The following KAZN variants were observed in gnomAD, a reference collection of about 807,000 sequenced individuals.
KAZN encodes the protein kazrin.
In KAZN, 40 loss-of-function variants were observed where a neutral mutation model predicts 87.4. The observed-to-expected ratio is 0.46, with a 90% CI of 0.36 to 0.60. The LOEUF is 0.60. Ranked by LOEUF, KAZN falls within the 20% of genes least tolerant of loss-of-function variation. The pLI is 0.00. For missense variants in KAZN, 898 were observed against 1,073.9 expected, an observed-to-expected ratio of 0.84 and a Z score of 2.29; for synonymous variants, 466 against 458.3, an observed-to-expected ratio of 1.02 and a Z score of -0.22.
rs1411250338 is a variant in KAZN, at chr1:14,952,274, G to GTGTGTA, written c.227-8407_227-8406insGTATGT. 4.7e-5 allele frequency among the ~76,000 whole-genome samples: 7 copies of GTGTGTA among 147,724 alleles called. No individual in the cohort carries two copies. The South Asian group carries it at 1.5e-3, about 31-fold the overall frequency. Reference sequence around the variant, plus strand: ...TGTGTGTGTGTGTGTGTGTGTGTGTGTGTCTCAAGCAAACACACTAGTGTT... The same window carrying GTGTGTA: ...TGTGTGTGTGTGTGTGTGTGTGTGTGTGTGTATGTCTCAAGCAAACACACTAGTGTT... On this transcript the variant is annotated intron_variant, in intron 1 of 14. Transcript: ENST00000376030.
At chr1:14,260,453 G>A (rs998211130) in intron 2 of KAZN, among the ~76,000 whole-genome samples, 1 of 152,166 alleles carries the variant, frequency 6.6e-6, no homozygotes, top group East Asian at 1.9e-4. Context: ...CTGGGACAGA[G>A]CATTTCGATG....
chr1:14,505,703 G>A (rs1217759341), intron 2 of KAZN, among the ~76,000 whole-genome samples: 1 of 152,238 alleles, frequency 6.6e-6, no homozygotes, highest in Non-Finnish European at 1.5e-5. Context: ...GCTGGGCGCG[G>A]TGGCTCACGC....
At chr1:14,967,521 CA>C (rs1315932244) in intron 2 of KAZN, among the ~76,000 whole-genome samples, 6 of 152,134 alleles carry the variant, frequency 3.9e-5, no homozygotes, top group Non-Finnish European at 1.5e-5. Flanking sequence ...TGAGTTAGGT[CA>C]CACGGCAAAG....
intron 1 of KAZN, among the ~76,000 whole-genome samples, chr1:14,174,970 A>T (rs1428268268): frequency 6.6e-6 from 1 of 152,208 alleles, no homozygotes; most frequent in Non-Finnish European, 1.5e-5. Flanking sequence ...AGCAAGTCAT[A>T]TGGCAAAACT....
intron 2 of KAZN, among the ~76,000 whole-genome samples, chr1:14,553,728 T>C (rs962180737): frequency 6.6e-6 from 1 of 152,114 alleles, no homozygotes; most frequent in African/African-American, 2.4e-5. Context: ...TGTGGAACGA[T>C]GGGGCTTAAA....
chr1:14,880,646 C>T (rs868666834), intron 1 of KAZN, among the ~76,000 whole-genome samples: 1 of 152,180 alleles, frequency 6.6e-6, no homozygotes, highest in South Asian at 2.1e-4. Flanking sequence ...GATGACTTCA[C>T]TCGTCTAAAT....
At chr1:14,063,106 T>C (rs986172804) in intron 1 of KAZN, among the ~76,000 whole-genome samples, 6 of 152,242 alleles carry the variant, frequency 3.9e-5, no homozygotes, top group Admixed American at 2.6e-4. Flanking sequence ...TGGTGCTATA[T>C]TTATTAACTC....
chr1:14,436,734 A>AAAAAAAAAAAAAAAAAACAAAAAC (rs563539375), intron 2 of KAZN, among the ~76,000 whole-genome samples: 49 of 137,396 alleles, frequency 3.6e-4, no homozygotes, highest in South Asian at 1.2e-3. Flanking sequence ...AAAAAAAAAA[A>AAAAAAAAAAAAAAAAAACAAAAAC]AAAACCTTAA....
At chr1:14,474,643 C>T (rs1668622955) in intron 2 of KAZN, among the ~76,000 whole-genome samples, 2 of 152,080 alleles carry the variant, frequency 1.3e-5, no homozygotes, top group Non-Finnish European at 2.9e-5. Flanking sequence ...AATACAATGA[C>T]AATATATTTA....
chr1:14,616,878 G>C (rs1169015180), intron 1 of KAZN, among the ~76,000 whole-genome samples: 2 of 152,198 alleles, frequency 1.3e-5, no homozygotes, highest in Non-Finnish European at 2.9e-5. Context: ...ATACAGTGGT[G>C]GGTGTCCATC....
chr1:14,789,781 A>C (rs1645618771), intron 1 of KAZN, among the ~76,000 whole-genome samples: 1 of 149,942 alleles, frequency 6.7e-6, no homozygotes, highest in South Asian at 2.1e-4. Context: ...AAAAAAAAAA[A>C]AAAAAAAAAA....
At chr1:14,113,362 CA>C (rs1270260223) in intron 1 of KAZN, among the ~76,000 whole-genome samples, 1 of 152,194 alleles carries the variant, frequency 6.6e-6, no homozygotes, top group Non-Finnish European at 1.5e-5. Context: ...GAGCCAGCGT[CA>C]CACCACATTC....
At chr1:14,647,521 G>A (rs1680895070) in intron 1 of KAZN, among the ~76,000 whole-genome samples, 1 of 152,114 alleles carries the variant, frequency 6.6e-6, no homozygotes, top group African/African-American at 2.4e-5. Context: ...GAAGATCAGG[G>A]GTTACTTTAG....
chr1:14,847,619 C>T (rs1648940808), intron 1 of KAZN, among the ~76,000 whole-genome samples: 4 of 152,338 alleles, frequency 2.6e-5, no homozygotes, highest in Admixed American at 2.0e-4. Flanking sequence ...GCCTCCCCCA[C>T]CCAAATCTGT....
chr1:14,012,857 C>T (rs888145387), intron 1 of KAZN, among the ~76,000 whole-genome samples: 2 of 152,154 alleles, frequency 1.3e-5, no homozygotes, highest in African/African-American at 2.4e-5. Flanking sequence ...ACATATTTAC[C>T]GTATGCTCCT....
chr1:14,399,990 A>G lies in KAZN; in HGVS notation c.250-198993A>G, dbSNP rs558532346. 3.3e-5 allele frequency among the ~76,000 whole-genome samples: 5 copies of G among 150,720 alleles called. No individual in the cohort carries two copies. In the East Asian group the frequency reaches 9.7e-4, roughly 29 times the overall value. ...AAGTAATTGGTGAATTAAAATAAAA[A>G]AAGAAGGAATGATTTCACAGTCATT... On this transcript the variant is annotated intron_variant, in intron 2 of 16. Transcript: ENST00000636203.
At chr1:14,419,815 G>A (rs142992680) in intron 2 of KAZN, among the ~76,000 whole-genome samples, 156 of 152,170 alleles carry the variant, frequency 1.0e-3, no homozygotes, top group South Asian at 2.1e-3. Flanking sequence ...GTGGGTTCGG[G>A]GTCTCGCTGG....
intron 2 of KAZN, among the ~76,000 whole-genome samples, chr1:15,012,911 G>C (rs534020781): frequency 6.6e-6 from 1 of 152,200 alleles, no homozygotes; most frequent in Admixed American, 6.5e-5. Context: ...AACAGAAAGA[G>C]ACTGTCTCAA....
At chr1:14,908,639 G>A (rs865961009) in intron 1 of KAZN, among the ~76,000 whole-genome samples, 6 of 152,214 alleles carry the variant, frequency 3.9e-5, no homozygotes, top group Non-Finnish European at 7.4e-5. Context: ...ATTGCTTGAG[G>A]CTGGGAGGTT....
Sources: allele counts gnomAD v4.1 joint callset (sites outside exome capture counted in the v4.1 genomes callset), GRCh38; gene constraint gnomAD v4.1.1; transcripts MANE v1.5; gene names NCBI Gene and HGNC (gene_info 2026-07-23, HGNC 2026-07-21).